The following FBXL20 variants were observed in gnomAD, a reference collection of about 807,000 sequenced individuals.
The protein encoded by FBXL20 is F-box/LRR-repeat protein 20.
A neutral mutation model predicts 64.0 loss-of-function variants in FBXL20; 11 were observed. The observed-to-expected ratio is 0.17, with a 90% CI of 0.11 to 0.28. The LOEUF (loss-of-function observed/expected upper bound fraction) is 0.28. FBXL20 is among the 10% of genes least tolerant of loss of function. The pLI is 1.00. For missense variants in FBXL20, 303 were observed against 526.2 expected, an observed-to-expected ratio of 0.58 and a Z score of 4.15; for synonymous variants, 184 against 189.0, an observed-to-expected ratio of 0.97 and a Z score of 0.22.
intron 2 of FBXL20, among the ~76,000 whole-genome samples, chr17:39,318,297 G>A (rs1313963256): frequency 2.0e-5 from 3 of 152,104 alleles, no homozygotes; most frequent in Non-Finnish European, 4.4e-5. Flanking sequence ...ATGAGAAGCT[G>A]GTCTGCATCT....
At chr17:39,334,436 C>G (rs1179476705) in intron 2 of FBXL20, among the ~76,000 whole-genome samples, 2 of 151,574 alleles carry the variant, frequency 1.3e-5, no homozygotes, top group Non-Finnish European at 1.5e-5. Flanking sequence ...GCCAAATCCC[C>G]CTCTCCGAGA....
At chr17:39,301,716 A>C (rs1259609289) in intron 3 of FBXL20, among the ~76,000 whole-genome samples, 3 of 150,898 alleles carry the variant, frequency 2.0e-5, no homozygotes, top group Non-Finnish European at 3.0e-5. Context: ...CGACAGAGCG[A>C]AACTTCATCT....
intron 2 of FBXL20, among the ~76,000 whole-genome samples, chr17:39,310,668 G>A (rs990314002): frequency 4.6e-5 from 7 of 151,888 alleles, no homozygotes; most frequent in African/African-American, 1.7e-4. Context: ...GGGCAACACG[G>A]TGAGACCCTA....
chr17:39,332,536 C>CTTTTTTTTTTTTTTTTTT (rs58827473), intron 2 of FBXL20, among the ~76,000 whole-genome samples: 1 of 96,964 alleles, frequency 1.0e-5, no homozygotes, highest in Non-Finnish European at 1.9e-5. Context: ...TTCTTTGTAT[C>CTTTTTTTTTTTTTTTTTT]TTTTTTTTTT....
At chr17:39,268,360 AT>A (rs1262385448) in intron 12 of FBXL20, among the ~76,000 whole-genome samples, 4 of 152,150 alleles carry the variant, frequency 2.6e-5, no homozygotes, top group Non-Finnish European at 5.9e-5. Context: ...TCTCAAAAAA[AT>A]AATAATAATA....
At chr17:39,274,904 G>A in intron 10 of FBXL20, 66 bp downstream of exon 10, 6 of 1,597,178 alleles carry the variant, frequency 3.8e-6, no homozygotes, top group East Asian at 2.2e-5. Context: ...AAAGTTCCAA[G>A]GAAGAAATAT....
At chr17:39,323,540 CTCA>C (rs2047377967) in intron 2 of FBXL20, among the ~76,000 whole-genome samples, 1 of 128,586 alleles carries the variant, frequency 7.8e-6, no homozygotes, top group Non-Finnish European at 1.5e-5. Flanking sequence ...GGGGTTTTCT[CTCA>C]TCACCTCTTT....
At chr17:39,296,691 A>G (rs1386542077) in intron 6 of FBXL20, among the ~76,000 whole-genome samples, 1 of 152,066 alleles carries the variant, frequency 6.6e-6, no homozygotes, top group Non-Finnish European at 1.5e-5. Context: ...TCAGATCATG[A>G]CCAACACAGA....
intron 7 of FBXL20, among the ~76,000 whole-genome samples, chr17:39,283,183 A>C (rs2046962160): frequency 1.3e-5 from 2 of 152,214 alleles, no homozygotes; most frequent in South Asian, 4.1e-4. Flanking sequence ...TCTAGTTTAC[A>C]GAGTAATTAA....
intron 2 of FBXL20, among the ~76,000 whole-genome samples, chr17:39,320,758 C>T (rs761284772): frequency 6.6e-6 from 1 of 151,976 alleles, no homozygotes; most frequent in Non-Finnish European, 1.5e-5. Flanking sequence ...CCATATCTGG[C>T]TAATTTTTGT....
At chr17:39,335,332 G>A (rs2047509918) in intron 2 of FBXL20, among the ~76,000 whole-genome samples, 1 of 151,498 alleles carries the variant, frequency 6.6e-6, no homozygotes, top group Non-Finnish European at 1.5e-5. Flanking sequence ...TAATCTGACT[G>A]GGTTGATGCA....
chr17:39,396,317 C>T (rs538977440), intron 1 of FBXL20, among the ~76,000 whole-genome samples: 13 of 152,092 alleles, frequency 8.5e-5, no homozygotes, highest in Admixed American at 3.9e-4. Context: ...ATGACCAGGC[C>T]GGGTGTCGTG....
At chr17:39,361,211 TAGA>T (rs1021861590) in intron 1 of FBXL20, among the ~76,000 whole-genome samples, 20 of 152,148 alleles carry the variant, frequency 1.3e-4, no homozygotes, top group African/African-American at 4.8e-4. Flanking sequence ...GGTGAAGGTC[TAGA>T]AGAAGGAGTT....
intron 2 of FBXL20, among the ~76,000 whole-genome samples, chr17:39,328,211 T>C (rs868365578): frequency 8.1e-6 from 1 of 124,022 alleles, no homozygotes; most frequent in African/African-American, 3.3e-5. Context: ...TCACGCCAAC[T>C]GCACTCCAGC....
At chr17:39,370,081 A>G (rs1371241561) in intron 1 of FBXL20, among the ~76,000 whole-genome samples, 1 of 152,114 alleles carries the variant, frequency 6.6e-6, no homozygotes, top group Admixed American at 6.6e-5. Context: ...AGTGCCCTCT[A>G]GCCTGGACAA....
In FBXL20 at chr17:39,259,679, ACTTCATTCAGAAGT is replaced by A. The variant is rs1008257533; in HGVS notation, c.*1767_*1780del. The A allele has an allele frequency of 9.9e-5, 15 of 151,768 alleles. No individual in the cohort carries two copies. The highest frequency in any genetic ancestry group is 5.9e-4 in the Admixed American group (9 of 15,222). 9.4% of individuals were successfully genotyped at this position (151,768 alleles called of 1,614,324 possible). ...CAATGCTTCACCTGGCTACATTCAT[ACTTCATTCAGAAGT>A]CTGAACAGGGCCGGGCATGGTGGCT... On this transcript the variant is annotated 3_prime_UTR_variant, in exon 15 of 15. Coordinates refer to ENST00000264658, the MANE Select transcript of FBXL20 (RefSeq NM_032875.3).
intron 1 of FBXL20, among the ~76,000 whole-genome samples, chr17:39,348,086 C>CTTTTTT (rs3079636): frequency 1.4e-5 from 2 of 143,684 alleles, no homozygotes; most frequent in African/African-American, 5.1e-5. Flanking sequence ...TTGGGTTCGT[C>CTTTTTT]TTTTTTTTTT....
intron 6 of FBXL20, among the ~76,000 whole-genome samples, chr17:39,293,471 C>A (rs1057050141): frequency 6.6e-6 from 1 of 152,142 alleles, no homozygotes; most frequent in Non-Finnish European, 1.5e-5. Context: ...GATCTGCCCA[C>A]CTCAGCCTCC....
At chr17:39,365,984 G>A (rs1015151649) in intron 1 of FBXL20, among the ~76,000 whole-genome samples, 16 of 151,968 alleles carry the variant, frequency 1.1e-4, no homozygotes, top group African/African-American at 2.9e-4. Context: ...AGACAACAAC[G>A]GAATTTAAAA....
Sources: gnomAD v4.1 joint callset for allele counts (sites outside exome capture counted in the v4.1 genomes callset) on GRCh38, gnomAD v4.1.1 for gene constraint, MANE v1.5 for transcripts, NCBI Gene and HGNC (gene_info 2026-07-23, HGNC 2026-07-21) for gene names.